FAR2: variants seen among roughly 807,000 people sequenced by gnomAD.
The protein encoded by FAR2 is fatty acyl-CoA reductase 2.
Under a neutral mutation model 56.0 loss-of-function variants are expected in FAR2, and 19 were observed. That is an observed-to-expected ratio of 0.34 (90% CI 0.24 to 0.50). The LOEUF (loss-of-function observed/expected upper bound fraction) is 0.50, where lower values mean the gene tolerates loss of function less well. Among genes scored for constraint, FAR2 ranks in the 20% least tolerant of loss-of-function variants. FAR2 has a pLI of 0.98. For missense variants in FAR2, 508 were observed against 642.2 expected (o/e 0.79, Z 2.26); for synonymous variants, 219 against 218.8 (o/e 1.00, Z -0.01).
Position 29,311,038 on chromosome 12 carries a change from G to C in FAR2, c.779G>C (p.Gly260Ala). The stretch of plus-strand genomic sequence containing the variant: ...CTTTTTCCTATGCAGACTGGGAAAG[G>C]GTTTCTTCGGGCCATAAAAGCTACT... ...PNGIIIATGKGFLRAIKATPM... is the reference protein window; with the variant it reads ...PNGIIIATGKAFLRAIKATPM... Residue 260 changes from glycine to alanine, a missense_variant, in exon 7 of 12, where the codon GGG becomes GCG. Gly to Ala is a moderately conservative substitution (Grantham distance 60). Transcript: ENST00000536681. The C allele has an allele frequency of 1.2e-6, 2 of 1,612,856 alleles. No individual in the cohort carries two copies. The highest frequency in any genetic ancestry group is 1.7e-6 in the Non-Finnish European group (2 of 1,178,994).
intron 1 of FAR2, among the ~76,000 whole-genome samples, chr12:29,225,905 A>G (rs1454046989): frequency 1.3e-5 from 2 of 152,194 alleles, no homozygotes; most frequent in Non-Finnish European, 2.9e-5. Flanking sequence ...TTTACCCTAG[A>G]GAATACTTAG....
chr12:29,190,054 A>G (rs1282231544), intron 1 of FAR2, among the ~76,000 whole-genome samples: 1 of 152,178 alleles, frequency 6.6e-6, no homozygotes, highest in Non-Finnish European at 1.5e-5. Context: ...GTGCACTGTG[A>G]TGCCATTTGC....
chr12:29,190,548 T>A (rs1185386261), intron 1 of FAR2, among the ~76,000 whole-genome samples: 3 of 152,156 alleles, frequency 2.0e-5, no homozygotes, highest in Non-Finnish European at 4.4e-5. Context: ...CACTGAAATC[T>A]CCGACTCCCG....
chr12:29,223,713 GGATATAATA>G (rs1565477592), intron 1 of FAR2: 1 of 152,170 alleles, frequency 6.6e-6, no homozygotes, highest in African/African-American at 2.4e-5. Flanking sequence ...TCAGGCATGG[GGATATAATA>G]GTGTGATGAA....
chr12:29,160,077 G>C (rs1408645433), intron 1 of FAR2, among the ~76,000 whole-genome samples: 1 of 152,158 alleles, frequency 6.6e-6, no homozygotes, highest in Non-Finnish European at 1.5e-5. Flanking sequence ...AGGATTTCTA[G>C]CTTTCAACAG....
intron 9 of FAR2, among the ~76,000 whole-genome samples, chr12:29,320,351 A>G (rs1027676657): frequency 6.6e-6 from 1 of 152,252 alleles, no homozygotes; most frequent in Non-Finnish European, 1.5e-5. Context: ...TATTGAAATC[A>G]TATCAATTGC....
chr12:29,309,652 A>G (rs1949313273), intron 6 of FAR2: 1 of 154,038 alleles, frequency 6.5e-6, no homozygotes, highest in Non-Finnish European at 1.4e-5. Flanking sequence ...GCGTGTGTAG[A>G]AAAGAGATAT....
chr12:29,152,000 C>G (rs1199977890), intron 1 of FAR2: 1 of 152,168 alleles, frequency 6.6e-6, no homozygotes, highest in African/African-American at 2.4e-5. Flanking sequence ...GACTGTAGAA[C>G]CTTTCTGACC....
intron 1 of FAR2, among the ~76,000 whole-genome samples, chr12:29,175,637 G>C (rs1288458463): frequency 6.6e-6 from 1 of 152,206 alleles, no homozygotes; most frequent in Non-Finnish European, 1.5e-5. Flanking sequence ...CCGTTTTACA[G>C]AGTGCTGTTT....
intron 2 of FAR2, among the ~76,000 whole-genome samples, chr12:29,274,508 G>A (rs894030383): frequency 2.0e-5 from 3 of 151,998 alleles, no homozygotes; most frequent in Admixed American, 6.6e-5. Flanking sequence ...AAACATACAT[G>A]TGCATGTGTC....
chr12:29,276,444 A>G (rs903728500), intron 2 of FAR2, among the ~76,000 whole-genome samples: 4 of 152,226 alleles, frequency 2.6e-5, no homozygotes, highest in African/African-American at 9.6e-5. Context: ...AACAGATTCT[A>G]TCACCTGATT....
rs200429674 is a variant in FAR2, at chr12:29,332,615, G to A, written c.1273G>A (p.Val425Met). 11 of 1,613,620 alleles carry A rather than the reference G, an allele frequency of 6.8e-6. No homozygotes were observed. The highest frequency in any genetic ancestry group is 1.7e-5 in the Admixed American group (1 of 60,002). The change falls in exon 11 of 12, where the codon GTG (valine) becomes ATG (methionine). Residue 425 changes from valine (V) to methionine (M), a missense_variant. By Grantham distance (21) the Val-to-Met change is conservative. Transcript: ENST00000536681. ...PEDQRVFNFD[V>M]RQLNWLEYIE... ...TGCCTCTCAGGTATTCAACTTTGAC[G>A]TGCGCCAGTTGAACTGGTTGGAATA...
chr12:29,327,991 T>A (rs1437185271), intron 10 of FAR2, among the ~76,000 whole-genome samples: 1 of 152,138 alleles, frequency 6.6e-6, no homozygotes, highest in African/African-American at 2.4e-5. Context: ...GAGAAAATTT[T>A]TGCAACCTAC....
intron 1 of FAR2, among the ~76,000 whole-genome samples, chr12:29,261,278 G>A (rs10771508): frequency 0.42 from 64,366 of 151,872 alleles, 14,475 homozygotes; most frequent in African/African-American, 0.59. Context: ...GCTGAAAAAT[G>A]TAGTTGACAT....
chr12:29,267,923 C>T (rs2136703096), intron 1 of FAR2, among the ~76,000 whole-genome samples: 1 of 152,274 alleles, frequency 6.6e-6, no homozygotes, highest in South Asian at 2.1e-4. Flanking sequence ...GCATTGCTGG[C>T]CTCCCCTGCT....
chr12:29,187,703 A>T (rs949777868), intron 1 of FAR2, among the ~76,000 whole-genome samples: 4 of 152,190 alleles, frequency 2.6e-5, no homozygotes, highest in South Asian at 4.1e-4. Context: ...CAAAATAGAG[A>T]GTTGTGTAAT....
At chr12:29,319,546 T>C (rs377567891) in intron 9 of FAR2, among the ~76,000 whole-genome samples, 8 of 152,222 alleles carry the variant, frequency 5.3e-5, no homozygotes, top group African/African-American at 1.9e-4. Flanking sequence ...TGTGTGTGAA[T>C]ACATATTTCA....
At chr12:29,271,997 C>T (rs1350764548) in intron 2 of FAR2, among the ~76,000 whole-genome samples, 1 of 152,186 alleles carries the variant, frequency 6.6e-6, no homozygotes, top group Non-Finnish European at 1.5e-5. Flanking sequence ...TTCGGGATAA[C>T]TAATGGTTCT....
chr12:29,294,957 A>C (rs774818726), intron 3 of FAR2, among the ~76,000 whole-genome samples: 7 of 152,160 alleles, frequency 4.6e-5, no homozygotes, highest in Non-Finnish European at 8.8e-5. Context: ...TAAAGCTCTT[A>C]AACTAAATTT....
Sources: allele counts gnomAD v4.1 joint callset (sites outside exome capture counted in the v4.1 genomes callset), GRCh38; gene constraint gnomAD v4.1.1; transcripts MANE v1.5; gene names NCBI Gene and HGNC (gene_info 2026-07-23, HGNC 2026-07-21).